NTM: variants seen among roughly 807,000 people sequenced by gnomAD.
NTM encodes the protein neurotrimin.
Under a neutral mutation model 42.1 loss-of-function variants are expected in NTM, and 13 were observed. The ratio of observed to expected loss-of-function variants is 0.31; its 90% CI spans 0.20 to 0.49. The LOEUF (loss-of-function observed/expected upper bound fraction) is 0.49, where lower values mean the gene tolerates loss of function less well. NTM is among the 20% of genes least tolerant of loss of function. The pLI is 0.99. For missense variants in NTM, 373 were observed against 452.8 expected (o/e 0.82, Z 1.60); for synonymous variants, 187 against 179.2 (o/e 1.04, Z -0.35).
intron 2 of NTM, among the ~76,000 whole-genome samples, chr11:132,022,168 C>T (rs1374748401): frequency 2.0e-5 from 3 of 152,310 alleles, no homozygotes; most frequent in East Asian, 3.9e-4. Context: ...TGAGCTGGGG[C>T]TGGAGTCAGA....
intron 1 of NTM, among the ~76,000 whole-genome samples, chr11:131,374,156 G>C (rs139274508): frequency 1.7e-4 from 26 of 152,210 alleles, no homozygotes; most frequent in East Asian, 1.4e-3. Flanking sequence ...TGGCAGTAAG[G>C]GGAGGGCGTC....
intron 2 of NTM, among the ~76,000 whole-genome samples, chr11:132,083,318 A>G (rs770938140): frequency 2.0e-5 from 3 of 152,260 alleles, no homozygotes; most frequent in Non-Finnish European, 4.4e-5. Context: ...AAATAGTGAT[A>G]GGACTGAGTT....
intron 7 of NTM, among the ~76,000 whole-genome samples, chr11:132,326,775 A>C (rs2095691541): frequency 6.6e-6 from 1 of 152,212 alleles, no homozygotes; most frequent in Admixed American, 6.5e-5. Context: ...GGGCTCATTT[A>C]CTGCACTGAT....
At chr11:131,567,042 G>A (rs570210515) in intron 1 of NTM, among the ~76,000 whole-genome samples, 2 of 152,058 alleles carry the variant, frequency 1.3e-5, no homozygotes, top group Non-Finnish European at 2.9e-5. Context: ...TGTGGGGGTG[G>A]AGCTTAGGGG....
intron 2 of NTM, among the ~76,000 whole-genome samples, chr11:132,138,580 A>G (rs1200950617): frequency 9.0e-5 from 3 of 33,470 alleles, no homozygotes; most frequent in Non-Finnish European, 2.4e-4. Context: ...CTATCTATCT[A>G]TCTATCTATC....
At chr11:131,768,435 G>A (rs1456372081) in intron 1 of NTM, among the ~76,000 whole-genome samples, 2 of 152,122 alleles carry the variant, frequency 1.3e-5, no homozygotes, top group Non-Finnish European at 2.9e-5. Flanking sequence ...TGTAATTCAG[G>A]ACTAGTTTGA....
intron 1 of NTM, among the ~76,000 whole-genome samples, chr11:131,749,709 C>T (rs1270907056): frequency 2.0e-5 from 3 of 152,178 alleles, no homozygotes; most frequent in Non-Finnish European, 2.9e-5. Context: ...AGAGATTCTC[C>T]TGCTTCAGCC....
At chr11:131,831,190 C>T (rs1565606198) in intron 1 of NTM, among the ~76,000 whole-genome samples, 1 of 152,090 alleles carries the variant, frequency 6.6e-6, no homozygotes, top group Non-Finnish European at 1.5e-5. Flanking sequence ...GTGGATAGGA[C>T]TTGCTGGGAC....
At chr11:132,093,215 T>A (rs1277407251) in intron 2 of NTM, among the ~76,000 whole-genome samples, 3 of 152,184 alleles carry the variant, frequency 2.0e-5, no homozygotes, top group Non-Finnish European at 4.4e-5. Flanking sequence ...ATACTCCTGA[T>A]AACCCACATT....
chr11:131,780,627 T>A (rs2087907410), intron 1 of NTM, among the ~76,000 whole-genome samples: 1 of 152,214 alleles, frequency 6.6e-6, no homozygotes, highest in African/African-American at 2.4e-5. Flanking sequence ...TTTTCTAATA[T>A]GCTTGACACT....
intron 1 of NTM, among the ~76,000 whole-genome samples, chr11:131,687,362 C>T (rs369271993): frequency 5.1e-4 from 78 of 152,218 alleles, no homozygotes; most frequent in African/African-American, 1.8e-3. Context: ...ATTGCGGCTT[C>T]GGGCAGGGAC....
intron 4 of NTM, among the ~76,000 whole-genome samples, chr11:132,242,627 G>A (rs1387001386): frequency 6.6e-6 from 1 of 152,200 alleles, no homozygotes; most frequent in Non-Finnish European, 1.5e-5. Flanking sequence ...CACGGCCCGA[G>A]TAGCCACCCT....
chr11:131,441,564 C>T (rs1314343016), intron 1 of NTM, among the ~76,000 whole-genome samples: 56 of 152,192 alleles, frequency 3.7e-4, no homozygotes, highest in Admixed American at 3.5e-3. Context: ...GTGCCTTGTT[C>T]CTCCATCTGT....
intron 1 of NTM, among the ~76,000 whole-genome samples, chr11:131,830,655 CTT>C (rs2042709268): frequency 6.6e-6 from 1 of 152,058 alleles, no homozygotes; most frequent in Non-Finnish European, 1.5e-5. Flanking sequence ...TATTTGGGCT[CTT>C]TTTTGGTTCC....
chr11:132,183,391 C>G (rs2077876686), intron 3 of NTM, among the ~76,000 whole-genome samples: 1 of 152,100 alleles, frequency 6.6e-6, no homozygotes, highest in Non-Finnish European at 1.5e-5. Context: ...GTGCTTGGCA[C>G]CAGGCACCAT....
At chr11:132,315,121 G>GGGAATCATAATTGGGTAAAATA in intron 7 of NTM, 1 of 980,562 alleles carries the variant, frequency 1.0e-6, no homozygotes, top group African/African-American at 1.7e-5. Context: ...AGCTGACTGT[G>GGGAATCATAATTGGGTAAAATA]GGAATCATAA....
At chr11:131,486,332 C>T (rs1954170993) in intron 1 of NTM, among the ~76,000 whole-genome samples, 1 of 152,170 alleles carries the variant, frequency 6.6e-6, no homozygotes, top group Admixed American at 6.5e-5. Flanking sequence ...GCAGCAGAGT[C>T]ATCTACGGCA....
At chr11:132,225,065 A>G (rs2085927405) in intron 4 of NTM, among the ~76,000 whole-genome samples, 1 of 152,364 alleles carries the variant, frequency 6.6e-6, no homozygotes, top group Admixed American at 6.5e-5. Flanking sequence ...GAGAAGAGGG[A>G]TTTATCAGAT....
chr11:131,851,427 G>A (rs2045527122), intron 1 of NTM, among the ~76,000 whole-genome samples: 1 of 152,120 alleles, frequency 6.6e-6, no homozygotes, highest in South Asian at 2.1e-4. Flanking sequence ...TTTGTTGTAT[G>A]GCTAACATTT....
Sources: gnomAD v4.1 joint callset for allele counts (sites outside exome capture counted in the v4.1 genomes callset) on GRCh38, gnomAD v4.1.1 for gene constraint, MANE v1.5 for transcripts, NCBI Gene and HGNC (gene_info 2026-07-23, HGNC 2026-07-21) for gene names.